PPP1R13B: variants seen among roughly 807,000 people sequenced by gnomAD.
The protein encoded by PPP1R13B is protein phosphatase 1 regulatory subunit 13B.
In PPP1R13B, 44 loss-of-function variants were observed where a neutral mutation model predicts 119.8. The observed-to-expected ratio is 0.37, with a 90% CI of 0.29 to 0.47. The LOEUF (loss-of-function observed/expected upper bound fraction) is 0.47. PPP1R13B is among the 20% of genes least tolerant of loss of function. The pLI is 0.99. For missense variants in PPP1R13B, 1,227 were observed against 1,413.5 expected (o/e 0.87, Z 2.12); for synonymous variants, 542 against 561.5 (o/e 0.97, Z 0.49).
chr14:103,766,767 C>G (rs901320564), intron 4 of PPP1R13B, among the ~76,000 whole-genome samples: 1 of 151,958 alleles, frequency 6.6e-6, no homozygotes, highest in African/African-American at 2.4e-5. Context: ...GCCATCACGC[C>G]CAGCTAATTT....
intron 1 of PPP1R13B, among the ~76,000 whole-genome samples, chr14:103,843,451 T>G (rs953300809): frequency 2.0e-5 from 3 of 152,196 alleles, no homozygotes; most frequent in Non-Finnish European, 4.4e-5. Context: ...CCATTTTTAC[T>G]AAAATTCTTA....
upstream of PPP1R13B, chr14:103,848,525 G>A (rs1321147983): frequency 1.0e-6 from 1 of 980,232 alleles, no homozygotes; most frequent in African/African-American, 1.7e-5. Context: ...CAGACAGGGG[G>A]ACTGAGGTGC....
rs373496908 is a variant in PPP1R13B at position 103,803,462 on chromosome 14, T to C, written c.10-5944A>G. ...ATCAAGACCATCCTGGCTAACACAG[T>C]GAAACCCCATCTCTATTAAAAATAC... On this transcript the variant is annotated intron_variant, in intron 1 of 16. Coordinates refer to ENST00000202556, the MANE Select transcript of PPP1R13B (RefSeq NM_015316.3). 2.0e-5 allele frequency among the ~76,000 whole-genome samples: 3 copies of C among 151,936 alleles called. No homozygotes were observed. In the South Asian group the frequency reaches 6.2e-4, roughly 32 times the overall value.
At chr14:103,819,121 G>C (rs1052749734) in intron 1 of PPP1R13B, among the ~76,000 whole-genome samples, 1 of 152,218 alleles carries the variant, frequency 6.6e-6, no homozygotes, top group African/African-American at 2.4e-5. Context: ...TGCCTGAAGA[G>C]ACTGAGAATC....
At chr14:103,762,921 T>C (rs2084844165) in intron 4 of PPP1R13B, 2 of 944,174 alleles carry the variant, frequency 2.1e-6, no homozygotes, top group African/African-American at 3.2e-5. Context: ...ACAAACAGCC[T>C]TGTTGCTGTC....
chr14:103,845,969 C>A (rs2087020831), intron 1 of PPP1R13B, among the ~76,000 whole-genome samples: 1 of 152,294 alleles, frequency 6.6e-6, no homozygotes, highest in African/African-American at 2.4e-5. Flanking sequence ...CTCAGGACAG[C>A]GCTCAGATAT....
intron 1 of PPP1R13B, among the ~76,000 whole-genome samples, chr14:103,815,056 T>C (rs957454142): frequency 5.3e-5 from 8 of 152,304 alleles, no homozygotes; most frequent in Admixed American, 3.9e-4. Context: ...AACTGATGAA[T>C]GCCTAAACAA....
chr14:103,765,846 A>C (rs1053427757), intron 4 of PPP1R13B, among the ~76,000 whole-genome samples: 1 of 152,130 alleles, frequency 6.6e-6, no homozygotes, highest in African/African-American at 2.4e-5. Flanking sequence ...AGTACTTTTT[A>C]AAATGAATTC....
At chr14:103,763,325 G>A (rs2084854865) in intron 4 of PPP1R13B, 2 of 280,768 alleles carry the variant, frequency 7.1e-6, no homozygotes, top group South Asian at 1.2e-4. Context: ...ACTAGTACAT[G>A]GTCATTGTTT....
intron 1 of PPP1R13B, among the ~76,000 whole-genome samples, chr14:103,805,471 C>G (rs1376788000): frequency 1.3e-5 from 2 of 151,878 alleles, no homozygotes; most frequent in African/African-American, 4.8e-5. Flanking sequence ...CTCAGGAAGC[C>G]TAGGTGTGAG....
At chr14:103,832,682 G>C (rs2086686981) in intron 1 of PPP1R13B, among the ~76,000 whole-genome samples, 1 of 152,086 alleles carries the variant, frequency 6.6e-6, no homozygotes. Flanking sequence ...CCATCAGCTG[G>C]GCATGGTGGC....
At chr14:103,818,905 A>C (rs1309247063) in intron 1 of PPP1R13B, among the ~76,000 whole-genome samples, 2 of 152,218 alleles carry the variant, frequency 1.3e-5, no homozygotes, top group African/African-American at 2.4e-5. Context: ...ATGGAAAAAA[A>C]TTAAGCAGAC....
At chr14:103,741,686 C>A in intron 11 of PPP1R13B, 104 bp downstream of exon 11, 3 of 1,376,684 alleles carry the variant, frequency 2.2e-6, no homozygotes, top group Non-Finnish European at 3.0e-6. Context: ...TAAGTTTAAT[C>A]CTAAATAGCA....
chr14:103,762,782 C>T (rs1033151171), intron 4 of PPP1R13B: 32 of 733,262 alleles, frequency 4.4e-5, no homozygotes, highest in Admixed American at 1.4e-4. Flanking sequence ...CAGGTGGTGG[C>T]GGCGGCCGCC....
intron 1 of PPP1R13B, among the ~76,000 whole-genome samples, chr14:103,813,018 C>T (rs1030937056): frequency 6.6e-6 from 1 of 152,300 alleles, no homozygotes; most frequent in South Asian, 2.1e-4. Flanking sequence ...ACTAAGCATA[C>T]TTTTACCATG....
intron 15 of PPP1R13B, 129 bp from the exon 16 acceptor site, chr14:103,736,331 G>A: frequency 1.1e-6 from 1 of 946,184 alleles, no homozygotes; most frequent in Non-Finnish European, 1.6e-6. Context: ...AGGCCAGCGA[G>A]GGAGATGAGA....
At chr14:103,816,025 A>G (rs1408763490) in intron 1 of PPP1R13B, among the ~76,000 whole-genome samples, 2 of 151,956 alleles carry the variant, frequency 1.3e-5, no homozygotes, top group African/African-American at 2.4e-5. Flanking sequence ...CAGAGCTTGC[A>G]GTGAGCTGAG....
At chr14:103,822,668 C>T (rs8021682) in intron 1 of PPP1R13B, among the ~76,000 whole-genome samples, 66,570 of 151,528 alleles carry the variant, frequency 0.44, 15,037 homozygotes, top group African/African-American at 0.54. Flanking sequence ...AAAAAATTAA[C>T]CAGGTGTGGT....
At chr14:103,781,605 C>T (rs903318816) in intron 3 of PPP1R13B, among the ~76,000 whole-genome samples, 2 of 152,000 alleles carry the variant, frequency 1.3e-5, no homozygotes, top group African/African-American at 4.8e-5. Context: ...AGAAGTAATC[C>T]ATAATCACTG....
Sources: allele counts gnomAD v4.1 joint callset (sites outside exome capture counted in the v4.1 genomes callset), GRCh38; gene constraint gnomAD v4.1.1; transcripts MANE v1.5; gene names NCBI Gene and HGNC (gene_info 2026-07-23, HGNC 2026-07-21).